The following MCC variants were observed in gnomAD, a reference collection of about 807,000 sequenced individuals.
MCC encodes colorectal mutant cancer protein.
Under a neutral mutation model 116.2 loss-of-function variants are expected in MCC, and 90 were observed. That is an observed-to-expected ratio of 0.77 (90% CI 0.65 to 0.92). The LOEUF (loss-of-function observed/expected upper bound fraction) is 0.92. MCC is among the 40% of genes least tolerant of loss of function. MCC has a pLI of 0.00. For synonymous variants in MCC, 578 were observed against 510.5 expected (o/e 1.13, Z -1.78); for missense variants, 1,516 against 1,312.2 (o/e 1.16, Z -2.40).
intron 3 of MCC, among the ~76,000 whole-genome samples, chr5:113,173,967 A>T (rs568327364): frequency 1.3e-5 from 2 of 152,320 alleles, no homozygotes; most frequent in African/African-American, 4.8e-5. Context: ...CATTACTGCA[A>T]CAGCAACACA....
intron 1 of MCC, among the ~76,000 whole-genome samples, chr5:113,386,069 T>C (rs1769247896): frequency 6.6e-6 from 1 of 152,210 alleles, no homozygotes; most frequent in Non-Finnish European, 1.5e-5. Flanking sequence ...ATACAAGTCT[T>C]GTTCTTTTCT....
chr5:113,263,320 G>A (rs1287947733), intron 3 of MCC, among the ~76,000 whole-genome samples: 1 of 152,164 alleles, frequency 6.6e-6, no homozygotes, highest in African/African-American at 2.4e-5. Flanking sequence ...GAAGAAGGAG[G>A]AAATGGAATC....
At chr5:113,468,142 C>G (rs1363568936) in intron 1 of MCC, among the ~76,000 whole-genome samples, 1 of 152,190 alleles carries the variant, frequency 6.6e-6, no homozygotes, top group African/African-American at 2.4e-5. Context: ...GACAATCTGA[C>G]TTCCTCTTTT....
intron 11 of MCC, among the ~76,000 whole-genome samples, chr5:113,071,552 C>T (rs940546456): frequency 6.6e-6 from 1 of 152,164 alleles, no homozygotes. Context: ...GTTGTGCAAC[C>T]TCCAGGCCGC....
chr5:113,064,115 G>C lies in MCC; in HGVS notation c.2082C>G (p.Asp694Glu), dbSNP rs1473770707. 3.1e-6 allele frequency: 5 copies of C among 1,614,004 alleles called. No homozygotes were observed. Among genetic ancestry groups the C allele is most frequent in the Non-Finnish European group, 4.2e-6 (5 of 1,180,002 alleles). The change falls in exon 14 of 19, where the codon GAC (aspartate) becomes GAG (glutamate). Residue 694 changes from aspartate to glutamate, a missense_variant. Asp to Glu is a conservative substitution (Grantham distance 45, BLOSUM62 2). Coordinates refer to ENST00000408903, the MANE Select transcript of MCC (RefSeq NM_001085377.2). ...NITQMLKRAH[D>E]CRKTAENAAK... ...CAGCGTTCTCAGCTGTCTTCCGGCA[G>C]TCATGAGCTCGCTTGAGCATCTGAG...
chr5:113,259,289 A>G (rs965249875), intron 3 of MCC, among the ~76,000 whole-genome samples: 1 of 152,202 alleles, frequency 6.6e-6, no homozygotes, highest in Non-Finnish European at 1.5e-5. Flanking sequence ...ATGAATCCCA[A>G]TTCAAACAGT....
chr5:113,426,664 G>A (rs922550854), intron 1 of MCC, among the ~76,000 whole-genome samples: 3 of 152,134 alleles, frequency 2.0e-5, no homozygotes, highest in African/African-American at 4.8e-5. Flanking sequence ...GGCAAAATGT[G>A]AAGATGAACA....
At chr5:113,346,440 A>T (rs1279146013) in intron 2 of MCC, among the ~76,000 whole-genome samples, 1 of 152,082 alleles carries the variant, frequency 6.6e-6, no homozygotes, top group African/African-American at 2.4e-5. Flanking sequence ...TCTACTAAAA[A>T]TACAAAAAAA....
intron 3 of MCC, among the ~76,000 whole-genome samples, chr5:113,220,778 T>C (rs1763523113): frequency 6.6e-6 from 1 of 152,244 alleles, no homozygotes; most frequent in Non-Finnish European, 1.5e-5. Context: ...TAAAGAAATT[T>C]TTACATTTCC....
chr5:113,371,169 C>T (rs556129573), intron 2 of MCC, among the ~76,000 whole-genome samples: 1 of 152,262 alleles, frequency 6.6e-6, no homozygotes, highest in African/African-American at 2.4e-5. Flanking sequence ...TGCAGTGAGC[C>T]AAGGTTGTGC....
intron 11 of MCC, among the ~76,000 whole-genome samples, chr5:113,079,752 G>A (rs1241486649): frequency 1.3e-5 from 2 of 152,188 alleles, no homozygotes; most frequent in African/African-American, 4.8e-5. Context: ...GCATGGGCAA[G>A]GACTTCATGA....
At chr5:113,131,660 T>G (rs1000130780) in intron 5 of MCC, among the ~76,000 whole-genome samples, 4 of 152,102 alleles carry the variant, frequency 2.6e-5, no homozygotes, top group African/African-American at 9.7e-5. Flanking sequence ...ATCGTGGCTG[T>G]GATCCCCTCA....
intron 6 of MCC, among the ~76,000 whole-genome samples, chr5:113,110,764 G>A (rs1266610582): frequency 6.6e-6 from 1 of 152,208 alleles, no homozygotes; most frequent in Non-Finnish European, 1.5e-5. Context: ...AGATGTGCTT[G>A]CATATGGGAT....
chr5:113,477,632 C>G (rs964520009), intron 1 of MCC, among the ~76,000 whole-genome samples: 5 of 152,266 alleles, frequency 3.3e-5, no homozygotes, highest in African/African-American at 1.2e-4. Context: ...GAACAAAATT[C>G]AGGGAAGCCA....
intron 8 of MCC, among the ~76,000 whole-genome samples, chr5:113,087,962 C>G (rs927507183): frequency 6.6e-5 from 10 of 152,152 alleles, no homozygotes; most frequent in Non-Finnish European, 1.0e-4. Flanking sequence ...TGCTTATGTT[C>G]TTTCTTACTC....
At position 113,132,439 on chromosome 5, in the gene MCC, TATATACAC is replaced by T. The variant is rs757704643; in HGVS notation, c.885-9621_885-9614del. Among the ~76,000 whole-genome samples, 20 of 63,970 alleles carry T rather than the reference TATATACAC, an allele frequency of 3.1e-4. 2 individuals carry two copies. Among genetic ancestry groups the T allele is most frequent in the Middle Eastern group, 8.3e-3 (1 of 120 alleles). 42.0% of individuals were successfully genotyped at this position (63,970 alleles called of 152,430 possible). A position where few individuals can be genotyped will look rare whatever the true frequency, so the allele number is the denominator to read the frequency against. On this transcript the variant is annotated intron_variant, in intron 5 of 18. Coordinates refer to ENST00000408903, the MANE Select transcript of MCC (RefSeq NM_001085377.2). Reference sequence around the variant, plus strand: ...ATATACACACATACATATATATATATATATACACACACACACACACACACACACACACA... The same window carrying T: ...ATATACACACATACATATATATATATACACACACACACACACACACACACA...
At chr5:113,052,609 G>A (rs1177880325) in intron 15 of MCC, among the ~76,000 whole-genome samples, 2 of 152,172 alleles carry the variant, frequency 1.3e-5, no homozygotes, top group Non-Finnish European at 2.9e-5. Flanking sequence ...GATGGCTGCT[G>A]TTGCCAGCTC....
chr5:113,469,273 T>G (rs1340094211), intron 1 of MCC, among the ~76,000 whole-genome samples: 4 of 152,226 alleles, frequency 2.6e-5, no homozygotes, highest in Non-Finnish European at 4.4e-5. Flanking sequence ...AATTGTGATG[T>G]TAGGGTGTCG....
intron 3 of MCC, among the ~76,000 whole-genome samples, chr5:113,267,433 A>T (rs1345277337): frequency 6.6e-6 from 1 of 152,214 alleles, no homozygotes; most frequent in Non-Finnish European, 1.5e-5. Flanking sequence ...CAGTGTTCAT[A>T]TACATTATCT....
Sources: gnomAD v4.1 joint callset for allele counts (sites outside exome capture counted in the v4.1 genomes callset) on GRCh38, gnomAD v4.1.1 for gene constraint, MANE v1.5 for transcripts, NCBI Gene and HGNC (gene_info 2026-07-23, HGNC 2026-07-21) for gene names.